Variants in CTIF observed in about 807,000 individuals in gnomAD.
CTIF encodes the protein cap binding complex dependent translation initiation factor, also known as CBP80/20-dependent translation initiation factor.
In CTIF, 21 loss-of-function variants were observed where a neutral mutation model predicts 66.0. The observed-to-expected ratio is 0.32, with a 90% confidence interval of 0.23 to 0.46. CTIF has a LOEUF of 0.46. Ranked by LOEUF, CTIF falls within the 20% of genes least tolerant of loss-of-function variation. The probability of loss-of-function intolerance (pLI) is 1.00; values close to 1 mark genes in which losing one functional copy is unlikely to be tolerated. For missense variants in CTIF, 739 were observed against 812.7 expected (o/e 0.91, Z 1.10); for synonymous variants, 345 against 326.4 (o/e 1.06, Z -0.62).
chr18:48,821,979 C>T (rs988826100), intron 10 of CTIF, among the ~76,000 whole-genome samples: 1 of 152,130 alleles, frequency 6.6e-6, no homozygotes, highest in Non-Finnish European at 1.5e-5. Context: ...TTAGCGACTC[C>T]CCATCTGCAC....
At position 48,719,200 on chromosome 18, in the gene CTIF, C is replaced by A. The variant is rs2092310224; in HGVS notation, c.584+7505C>A. 2.0e-5 allele frequency among the ~76,000 whole-genome samples: 3 copies of A among 152,338 alleles called. No homozygotes were observed. In the South Asian group the frequency reaches 6.2e-4, roughly 32 times the overall value. ...CTGTATCCCAGGCTTTGATGGTCAT[C>A]TGTGACTACAGGAGGCCCCACATTC... On this transcript the variant is annotated intron_variant, in intron 7 of 11. Transcript: ENST00000256413.
intron 9 of CTIF, among the ~76,000 whole-genome samples, chr18:48,800,039 C>T: frequency 6.6e-6 from 1 of 152,188 alleles, no homozygotes; most frequent in Non-Finnish European, 1.5e-5. Flanking sequence ...ACAAGTAGAC[C>T]GAGACTTGAA....
chr18:48,828,917 G>A (rs1376193478), intron 10 of CTIF, among the ~76,000 whole-genome samples: 2 of 152,232 alleles, frequency 1.3e-5, no homozygotes, highest in South Asian at 2.1e-4. Flanking sequence ...TCCTTCCCCC[G>A]CCTGCTCCTC....
At chr18:48,848,023 C>T (rs2069117361) in intron 10 of CTIF, among the ~76,000 whole-genome samples, 1 of 152,154 alleles carries the variant, frequency 6.6e-6, no homozygotes, top group African/African-American at 2.4e-5. Flanking sequence ...GTGGATGGGC[C>T]AGCTGTCCCG....
intron 6 of CTIF, among the ~76,000 whole-genome samples, chr18:48,694,870 T>C (rs8090378): frequency 0.15 from 22,192 of 152,288 alleles, 3,664 homozygotes; most frequent in African/African-American, 0.41. Context: ...TTTCCTAGTA[T>C]GCTTAAAATA....
intron 9 of CTIF, among the ~76,000 whole-genome samples, chr18:48,813,296 C>G (rs2068298364): frequency 6.6e-6 from 1 of 152,242 alleles, no homozygotes; most frequent in Non-Finnish European, 1.5e-5. Context: ...TATTGTCATT[C>G]TCCTTACATA....
intron 1 of CTIF, among the ~76,000 whole-genome samples, chr18:48,563,893 T>G (rs1366257631): frequency 1.3e-5 from 2 of 152,326 alleles, no homozygotes; most frequent in East Asian, 3.9e-4. Flanking sequence ...CTCTTGCTTG[T>G]GGTCTCTGGC....
chr18:48,786,746 C>G lies in CTIF; in HGVS notation c.1371+25057C>G, dbSNP rs78392802. Among the ~76,000 whole-genome samples, 65 of 152,276 alleles carry G rather than the reference C, an allele frequency of 4.3e-4. 1 individual carries two copies. The East Asian group carries it at 0.01, about 24-fold the overall frequency. On this transcript the variant is annotated intron_variant, in intron 9 of 11. Transcript: ENST00000256413. ...GAACCCCTGGGGTATGGAGTCCACA[C>G]CTGGAACTTCGAAGGGAAAGGAGGA...
intron 1 of CTIF, among the ~76,000 whole-genome samples, chr18:48,550,817 G>GA (rs982194597): frequency 2.6e-5 from 4 of 151,816 alleles, no homozygotes; most frequent in African/African-American, 7.2e-5. Flanking sequence ...ATGCTTCATG[G>GA]AAAAAAAAGT....
At chr18:48,680,536 C>A (rs2091722324) in intron 6 of CTIF, among the ~76,000 whole-genome samples, 1 of 152,260 alleles carries the variant, frequency 6.6e-6, no homozygotes, top group African/African-American at 2.4e-5. Context: ...GCCTGAGTGG[C>A]CCTGTCGACG....
At chr18:48,717,022 C>T (rs2092288340) in intron 7 of CTIF, among the ~76,000 whole-genome samples, 1 of 151,970 alleles carries the variant, frequency 6.6e-6, no homozygotes, top group African/African-American at 2.4e-5. Flanking sequence ...TGCAGGGTGG[C>T]CACAGCCTAC....
chr18:48,732,513 T>TC (rs944237871), intron 7 of CTIF, among the ~76,000 whole-genome samples: 14 of 151,886 alleles, frequency 9.2e-5, no homozygotes, highest in Non-Finnish European at 1.9e-4. Context: ...GCCTCCAGCA[T>TC]CCCCCCTGGA....
chr18:48,856,072 G>A (rs1599174337), intron 10 of CTIF, among the ~76,000 whole-genome samples: 2 of 152,190 alleles, frequency 1.3e-5, no homozygotes, highest in Non-Finnish European at 2.9e-5. Flanking sequence ...AAATATTGGA[G>A]GAATGCCTGT....
chr18:48,802,687 G>A (rs2068071229), intron 9 of CTIF, among the ~76,000 whole-genome samples: 1 of 152,218 alleles, frequency 6.6e-6, no homozygotes, highest in African/African-American at 2.4e-5. Flanking sequence ...CAGGCAGGCG[G>A]CAGAGAAGAT....
intron 10 of CTIF, among the ~76,000 whole-genome samples, chr18:48,851,887 T>G (rs896701611): frequency 6.6e-6 from 1 of 152,130 alleles, no homozygotes; most frequent in Non-Finnish European, 1.5e-5. Context: ...GGATTTTTTT[T>G]TCCTGCTAAG....
intron 6 of CTIF, among the ~76,000 whole-genome samples, chr18:48,681,460 C>T (rs1010994847): frequency 2.6e-5 from 4 of 152,202 alleles, no homozygotes; most frequent in Non-Finnish European, 5.9e-5. Flanking sequence ...TGACTCGTAG[C>T]CTGCCAGGGC....
chr18:48,630,966 C>T (rs947670582), intron 2 of CTIF, among the ~76,000 whole-genome samples: 2 of 152,150 alleles, frequency 1.3e-5, no homozygotes, highest in Admixed American at 6.5e-5. Flanking sequence ...CATGAGCCAC[C>T]GCACCCAGCC....
chr18:48,718,542 A>G (rs1303544770), intron 7 of CTIF, among the ~76,000 whole-genome samples: 1 of 152,170 alleles, frequency 6.6e-6, no homozygotes, highest in Non-Finnish European at 1.5e-5. Context: ...GGGATGTCCA[A>G]GGGCAGGAGA....
chr18:48,761,775 T>G lies in CTIF; in HGVS notation c.1371+86T>G, dbSNP rs1909026620. The G allele has an allele frequency of 7.5e-7, 1 of 1,329,174 alleles. No homozygotes were observed. Among genetic ancestry groups the G allele is most frequent in the East Asian group, 2.4e-5 (1 of 42,200 alleles). 82.3% of individuals were successfully genotyped at this position (1,329,174 alleles called of 1,614,324 possible). On this transcript the variant is annotated intron_variant, in intron 9 of 11. Coordinates refer to ENST00000256413, the MANE Select transcript of CTIF (RefSeq NM_014772.3). The surrounding 1 kb of genome is among the most constrained non-coding windows in gnomAD (Gnocchi z 4.2). ...TTCCTAGCGAGAAGGCTGCGAGTTC[T>G]GGCCACAGTTGGACTTTTCCCAAGT...
Sources: gnomAD v4.1 joint callset for allele counts (sites outside exome capture counted in the v4.1 genomes callset) on GRCh38, gnomAD v4.1.1 for gene constraint, Gnocchi (gnomAD v3.1) non-coding constraint, MANE v1.5 for transcripts, NCBI Gene and HGNC (gene_info 2026-07-23, HGNC 2026-07-21) for gene names.